Variants in BTNL8 observed in about 807,000 individuals in gnomAD.
BTNL8 encodes butyrophilin like 8, also known as butyrophilin-like protein 8.
A neutral mutation model predicts 36.1 loss-of-function variants in BTNL8; 22 were observed. The ratio of observed to expected loss-of-function variants is 0.61; its 90% CI spans 0.44 to 0.87. BTNL8 has a LOEUF of 0.87. Ranked by LOEUF, BTNL8 falls within the 40% of genes least tolerant of loss-of-function variation. The pLI, the probability that BTNL8 is intolerant of heterozygous loss-of-function variation, is 0.00. For missense variants in BTNL8, 526 were observed against 616.9 expected (o/e 0.85, Z 1.56); for synonymous variants, 203 against 235.6 (o/e 0.86, Z 1.27).
chr5:180,946,912 G>T (rs999695762), intron 3 of BTNL8, among the ~76,000 whole-genome samples: 10 of 152,098 alleles, frequency 6.6e-5, no homozygotes, highest in African/African-American at 2.4e-4. Context: ...AGTAATAAAA[G>T]GAGGGAAGAG....
Position 180,908,565 on chromosome 5 carries a change from CT to C in BTNL8, c.50-17del. 6.2e-7 allele frequency: 1 copy of C among 1,609,398 alleles called. No individual in the cohort carries two copies. The highest frequency in any genetic ancestry group is 8.5e-7 in the Non-Finnish European group (1 of 1,177,022). On this transcript the variant is annotated intron_variant, in intron 1 of 7. Transcript: ENST00000340184. The stretch of plus-strand genomic sequence containing the variant: ...ACTACAAAGGGTTTTGATGATTTAT[CT>C]TTTGTATGTCTTCCCACAGGGCAGT...
Sources: gnomAD v4.1 joint callset for allele counts (sites outside exome capture counted in the v4.1 genomes callset) on GRCh38, gnomAD v4.1.1 for gene constraint, MANE v1.5 for transcripts, NCBI Gene and HGNC (gene_info 2026-07-23, HGNC 2026-07-21) for gene names.